The following SEC24C variants were observed in gnomAD, a reference collection of about 807,000 sequenced individuals.
SEC24C encodes the protein protein transport protein Sec24C.
In SEC24C, 22 loss-of-function variants were observed where a neutral mutation model predicts 117.0. The observed-to-expected ratio is 0.19, with a 90% CI of 0.13 to 0.27. The LOEUF (loss-of-function observed/expected upper bound fraction) is 0.27. SEC24C is among the 10% of genes least tolerant of loss of function. The pLI is 1.00. For synonymous variants in SEC24C, 506 were observed against 529.4 expected, an observed-to-expected ratio of 0.96 and a Z score of 0.61; for missense variants, 1,155 against 1,375.1, an observed-to-expected ratio of 0.84 and a Z score of 2.53.
chr10:73,755,195 G>A (rs1251978307), intron 3 of SEC24C, among the ~76,000 whole-genome samples: 1 of 152,070 alleles, frequency 6.6e-6, no homozygotes, highest in Non-Finnish European at 1.5e-5. Context: ...GAGATAAGCC[G>A]GGAGAGTGTG....
At position 73,770,366 on chromosome 10, in the gene SEC24C, G is replaced by T; in HGVS notation, c.2949G>T (p.Leu983=). ...TAAGCAATGGGGATATATATTTACT[G>T]GAGAATGGGCTCAACCTCTTCCTCT... is the stretch of plus-strand genomic sequence containing the variant. ...ERLSNGDIYL[L]ENGLNLFLWV... is the part of the protein sequence containing the mutation. Residue 983 remains leucine (L), a synonymous_variant, in exon 21 of 23, where the codon CTG becomes CTT. Transcript: ENST00000345254. 1 of 1,614,022 alleles carries T rather than the reference G, an allele frequency of 6.2e-7. No individual in the cohort carries two copies. The highest frequency in any genetic ancestry group is 2.2e-5 in the East Asian group (1 of 44,882).
Position 73,767,977 on chromosome 10 carries a change from T to C in SEC24C, c.2151T>C (p.Gly717=), listed in dbSNP as rs540140951. The change falls in exon 15 of 23, where the codon GGT becomes GGC. Residue 717 remains glycine, a synonymous_variant. Coordinates refer to ENST00000345254, the MANE Select transcript of SEC24C (RefSeq NM_198597.3). ...TCTCTGTTGTGCCCCAGCTCACTGG[T>C]GGCTCTGTCTACAAATATGCTTCCT... ...ATLSVVPQLT[G]GSVYKYASFQ... The C allele has an allele frequency of 6.2e-7, 1 of 1,613,088 alleles. No individual in the cohort carries two copies. Among genetic ancestry groups the C allele is most frequent in the Admixed American group, 1.7e-5 (1 of 59,974 alleles).
chr10:73,760,307 C>T lies in SEC24C; in HGVS notation c.771C>T (p.Gly257=), dbSNP rs146798574. 26 of 1,613,234 alleles carry T rather than the reference C, an allele frequency of 1.6e-5. No homozygotes were observed. In the East Asian group the frequency reaches 5.1e-4, roughly 32 times the overall value. ...VSSPPQALPP[G]TQMTGPLGPL... Reference sequence around the variant, plus strand: ...CACCTCCTCAAGCTCTGCCCCCTGGCACCCAGATGACTGGGCCCCTGGGAC... The same window carrying T: ...CACCTCCTCAAGCTCTGCCCCCTGGTACCCAGATGACTGGGCCCCTGGGAC... Residue 257 remains glycine (G), a synonymous_variant, in exon 5 of 23, where the codon GGC becomes GGT. Coordinates refer to ENST00000345254, the MANE Select transcript of SEC24C (RefSeq NM_198597.3).
At chr10:73,764,484 A>G (rs1339337762) in intron 8 of SEC24C, among the ~76,000 whole-genome samples, 1 of 151,044 alleles carries the variant, frequency 6.6e-6, no homozygotes, top group African/African-American at 2.4e-5. Context: ...AGATTGCACC[A>G]CTGCACTCCA....
In SEC24C at chr10:73,746,839, G is replaced by A. The variant is rs112791997; in HGVS notation, c.7G>A (p.Val3Ile). The change falls in exon 2 of 23, where the codon GTC becomes ATC. Residue 3 changes from valine to isoleucine, a missense_variant. Coordinates refer to ENST00000345254, the MANE Select transcript of SEC24C (RefSeq NM_198597.3). ...AATTGGGAATGCTTTCATAATGAAC[G>A]TCAACCAGTCAGTTCCACCTGTGCC... MN[V>I]NQSVPPVPPF... The A allele has an allele frequency of 1.1e-5, 18 of 1,604,986 alleles. No homozygotes were observed. The highest frequency in any genetic ancestry group is 9.4e-5 in the African/African-American group (7 of 74,616).
intron 2 of SEC24C, 128 bp downstream of exon 2, chr10:73,747,132 G>A (rs2082566841): frequency 8.4e-6 from 7 of 831,644 alleles, no homozygotes; most frequent in African/African-American, 1.8e-5. Flanking sequence ...CATAAATCTG[G>A]CCCTGTGTAG....
chr10:73,753,846 TACATA>T (rs771396829), intron 3 of SEC24C, among the ~76,000 whole-genome samples: 14 of 152,236 alleles, frequency 9.2e-5, no homozygotes, highest in Non-Finnish European at 1.8e-4. Flanking sequence ...TTGGACTCTT[TACATA>T]ACATTTACAT....
chr10:73,744,769 T>C (rs2082519651), intron 1 of SEC24C, among the ~76,000 whole-genome samples: 1 of 152,114 alleles, frequency 6.6e-6, no homozygotes. Flanking sequence ...TCTCCGAGGC[T>C]CCATGGCTTG....
At chr10:73,760,579 T>G (rs1164602316) in intron 5 of SEC24C, 134 bp from the exon 6 acceptor site, 2 of 1,191,722 alleles carry the variant, frequency 1.7e-6, no homozygotes, top group Admixed American at 5.3e-5. Context: ...AACATGGTAT[T>G]TTTCTGAATG....
In SEC24C at chr10:73,745,479, G is replaced by A. The variant is rs547968630; in HGVS notation, c.-29+1042G>A. On this transcript the variant is annotated intron_variant, in intron 1 of 22. Coordinates refer to ENST00000345254, the MANE Select transcript of SEC24C (RefSeq NM_198597.3). Reference sequence around the variant, plus strand: ...TTCTTGAACTGTTTCCTCAGATTATGTGAAGAAGTTTTGGTGCCTGTTCTG... The same window carrying A: ...TTCTTGAACTGTTTCCTCAGATTATATGAAGAAGTTTTGGTGCCTGTTCTG... Among the ~76,000 whole-genome samples the A allele has an allele frequency of 3.1e-4, 47 of 151,962 alleles. No homozygotes were observed. In the South Asian group the frequency reaches 9.8e-3, roughly 32 times the overall value.
At chr10:73,759,498 G>T in intron 3 of SEC24C, 124 bp from the exon 4 acceptor site, 1 of 595,256 alleles carries the variant, frequency 1.7e-6, no homozygotes. Context: ...AGCCATAAAA[G>T]AACTCAGGGT....
At chr10:73,746,002 A>G (rs2082543522) in intron 1 of SEC24C, among the ~76,000 whole-genome samples, 1 of 151,836 alleles carries the variant, frequency 6.6e-6, no homozygotes. Context: ...TCTACTAAAA[A>G]TACAAAAACT....
At chr10:73,758,108 A>G (rs2082739485) in intron 3 of SEC24C, among the ~76,000 whole-genome samples, 1 of 151,568 alleles carries the variant, frequency 6.6e-6, no homozygotes, top group African/African-American at 2.4e-5. Flanking sequence ...GATGGTGGGC[A>G]CCTGTAGTCC....
At chr10:73,762,516 T>C (rs1429447173) in intron 6 of SEC24C, among the ~76,000 whole-genome samples, 1 of 152,164 alleles carries the variant, frequency 6.6e-6, no homozygotes, top group Non-Finnish European at 1.5e-5. Flanking sequence ...CGGTAGATCA[T>C]TCCACTTTGG....
chr10:73,752,420 G>A (rs1056291614), intron 3 of SEC24C, among the ~76,000 whole-genome samples: 3 of 152,094 alleles, frequency 2.0e-5, no homozygotes, highest in African/African-American at 7.2e-5. Flanking sequence ...CACTGCACCT[G>A]GTCAGGAGTG....
rs753206737 is a variant in SEC24C, at chr10:73,766,500, C to G, written c.1758C>G (p.Gly586=). Residue 586 remains glycine (G), a synonymous_variant, in exon 12 of 23, where the codon GGC becomes GGG. Transcript: ENST00000345254. ...VADMFVPLLD[G]FLVNVNESRA... ...ACATGTTTGTGCCACTGCTGGATGG[C>G]TTCCTGGTCAACGTCAATGAGTCTC... The G allele has an allele frequency of 1.1e-5, 18 of 1,612,966 alleles. No individual in the cohort carries two copies. The Admixed American group carries it at 3.0e-4, about 27-fold the overall frequency.
At chr10:73,761,912 G>T (rs931080156) in intron 6 of SEC24C, among the ~76,000 whole-genome samples, 1 of 152,070 alleles carries the variant, frequency 6.6e-6, no homozygotes, top group Admixed American at 6.6e-5. Flanking sequence ...AGCCATTAAA[G>T]CCTCTGTGTT....
intron 8 of SEC24C, among the ~76,000 whole-genome samples, chr10:73,765,229 T>C (rs984839452): frequency 2.6e-5 from 4 of 152,224 alleles, no homozygotes; most frequent in African/African-American, 9.6e-5. Context: ...GAAATGCAGC[T>C]CTGGGGGTGG....
At chr10:73,744,846 G>C (rs1208138875) in intron 1 of SEC24C, among the ~76,000 whole-genome samples, 1 of 152,116 alleles carries the variant, frequency 6.6e-6, no homozygotes, top group Non-Finnish European at 1.5e-5. Flanking sequence ...TATCCACCCA[G>C]AATGGAGTCG....
Sources: allele counts gnomAD v4.1 joint callset (sites outside exome capture counted in the v4.1 genomes callset), GRCh38; gene constraint gnomAD v4.1.1; transcripts MANE v1.5; gene names NCBI Gene and HGNC (gene_info 2026-07-23, HGNC 2026-07-21).